Variants in PKD2 observed in about 807,000 individuals in gnomAD.
PKD2 encodes polycystin-2.
Under a neutral mutation model 105.9 loss-of-function variants are expected in PKD2, and 48 were observed. The observed-to-expected ratio is 0.45, with a 90% confidence interval of 0.36 to 0.58. The LOEUF (loss-of-function observed/expected upper bound fraction) is 0.58. Among genes scored for constraint, PKD2 ranks in the 20% least tolerant of loss-of-function variants. The pLI, the probability that PKD2 is intolerant of heterozygous loss-of-function variation, is 0.00. For missense variants in PKD2, 1,078 were observed against 1,255.3 expected, an observed-to-expected ratio of 0.86 and a Z score of 2.13; for synonymous variants, 464 against 481.1, an observed-to-expected ratio of 0.96 and a Z score of 0.46.
chr4:88,071,078 T>C (rs1011363808), intron 13 of PKD2, among the ~76,000 whole-genome samples: 1 of 151,448 alleles, frequency 6.6e-6, no homozygotes, highest in South Asian at 2.1e-4. Context: ...TTTTAAGAGA[T>C]AGGGTCTCTC....
At chr4:88,033,372 A>C (rs1727227758) in intron 2 of PKD2, among the ~76,000 whole-genome samples, 1 of 151,572 alleles carries the variant, frequency 6.6e-6, no homozygotes, top group Non-Finnish European at 1.5e-5. Context: ...AGCTGCAGTG[A>C]GCTGAGATGG....
At chr4:88,030,825 G>A (rs1727120641) in intron 2 of PKD2, among the ~76,000 whole-genome samples, 1 of 152,204 alleles carries the variant, frequency 6.6e-6, no homozygotes, top group South Asian at 2.1e-4. Flanking sequence ...CTCACGAAAT[G>A]TTGACAACAT....
intron 6 of PKD2, among the ~76,000 whole-genome samples, chr4:88,047,298 T>C (rs1449935287): frequency 6.6e-6 from 1 of 152,152 alleles, no homozygotes; most frequent in Non-Finnish European, 1.5e-5. Flanking sequence ...AGCTCATGCC[T>C]GTAATCCCAG....
Position 88,074,911 on chromosome 4 carries a change from A to G in PKD2, c.2622A>G (p.Lys874=). ...IVKLEIMERA[K]LKRREVLGRL... is the part of the protein sequence containing the mutation. ...AGCTAGAGATTATGGAGCGAGCCAA[A>G]CTGAAGAGGAGGGAGGTGCTGGGAA... The change falls in exon 14 of 15, where the codon AAA becomes AAG. Residue 874 remains lysine, a synonymous_variant. Transcript: ENST00000237596. The G allele has an allele frequency of 6.2e-7, 1 of 1,614,186 alleles. No homozygotes were observed. Among genetic ancestry groups the G allele is most frequent in the Non-Finnish European group, 8.5e-7 (1 of 1,180,024 alleles).
intron 2 of PKD2, among the ~76,000 whole-genome samples, chr4:88,019,900 A>ACTGTGGACTT (rs763259073): frequency 6.6e-6 from 1 of 152,236 alleles, no homozygotes; most frequent in Non-Finnish European, 1.5e-5. Context: ...ATGCTAAGTG[A>ACTGTGGACTT]CTGTGGACTT....
At chr4:88,034,794 G>T (rs539698306) in intron 2 of PKD2, among the ~76,000 whole-genome samples, 27 of 152,050 alleles carry the variant, frequency 1.8e-4, no homozygotes, top group Non-Finnish European at 1.8e-4. Context: ...TTTATTATAG[G>T]TTCAGGTAAG....
intron 11 of PKD2, 123 bp from the exon 12 acceptor site, chr4:88,065,639 A>G: frequency 4.3e-6 from 5 of 1,175,010 alleles, no homozygotes; most frequent in Non-Finnish European, 6.4e-6. Flanking sequence ...GGAACATGTT[A>G]TAAGAGGAAA....
intron 3 of PKD2, among the ~76,000 whole-genome samples, chr4:88,036,760 A>C (rs75871052): frequency 6.6e-6 from 1 of 152,198 alleles, no homozygotes; most frequent in Non-Finnish European, 1.5e-5. Context: ...AATTCATTCC[A>C]TGAGTCAAGA....
chr4:88,061,975 G>T lies in PKD2; in HGVS notation c.2089G>T (p.Glu697Ter). Residue 697 changes from glutamate (E) to a stop codon, truncating the protein, a stop_gained, in exon 10 of 15, where the codon GAA becomes TAA. Coordinates refer to ENST00000237596, the MANE Select transcript of PKD2 (RefSeq NM_000297.4). LOFTEE classifies it high-confidence loss of function. ...ATCTGACTTGGCACAGCAGAAAGCTGAAATGGAACTCTCAGATCTTATCAG... is the reference window on the plus strand; with the variant it reads ...ATCTGACTTGGCACAGCAGAAAGCTTAAATGGAACTCTCAGATCTTATCAG... Reference protein sequence around the residue: ...VKSDLAQQKAEMELSDLIRKG... With the variant: ...VKSDLAQQKA 6.4e-7 allele frequency: 1 copy of T among 1,560,480 alleles called. No homozygotes were observed. The highest frequency in any genetic ancestry group is 8.8e-7 in the Non-Finnish European group (1 of 1,131,658).
Position 88,067,894 on chromosome 4 carries a change from T to G in PKD2, c.2359-4T>G. On this transcript the variant is annotated splice_region_variant and splice_polypyrimidine_tract_variant and intron_variant, in intron 12 of 14. Coordinates refer to ENST00000237596, the MANE Select transcript of PKD2 (RefSeq NM_000297.4). ...TCCTCACTCAGTGACCCCTTGTTCT[T>G]CAGGAGGACCTGGATTTGGATCACA... The G allele has an allele frequency of 1.2e-6, 2 of 1,613,510 alleles. No individual in the cohort carries two copies. Among genetic ancestry groups the G allele is most frequent in the Non-Finnish European group, 1.7e-6 (2 of 1,179,860 alleles).
At chr4:88,034,940 T>C (rs1727281794) in intron 2 of PKD2, among the ~76,000 whole-genome samples, 1 of 152,194 alleles carries the variant, frequency 6.6e-6, no homozygotes, top group African/African-American at 2.4e-5. Flanking sequence ...GAGACAGTAC[T>C]TGGTAAAGTG....
intron 10 of PKD2, among the ~76,000 whole-genome samples, 154 bp downstream of exon 10, chr4:88,062,158 T>C (rs1432858076): frequency 6.6e-6 from 1 of 152,252 alleles, no homozygotes; most frequent in African/African-American, 2.4e-5. Flanking sequence ...GTTCCCTATC[T>C]TGGAGTCTTG....
At chr4:88,040,606 A>G (rs1174480723) in intron 4 of PKD2, among the ~76,000 whole-genome samples, 1 of 152,194 alleles carries the variant, frequency 6.6e-6, no homozygotes, top group East Asian at 1.9e-4. Context: ...CTTAAAGCTT[A>G]GGTTCTTGCT....
chr4:88,012,695 C>T lies in PKD2; in HGVS notation c.595+4367C>T, dbSNP rs184664109. ...ACTTTTTTATCATCCCAAACAGAAA[C>T]TCTGTACTCATTAAACAGTAACTCC... On this transcript the variant is annotated intron_variant, in intron 1 of 14. Coordinates refer to ENST00000237596, the MANE Select transcript of PKD2 (RefSeq NM_000297.4). Among the ~76,000 whole-genome samples, 677 of 152,180 alleles carry T rather than the reference C, an allele frequency of 4.4e-3. 7 individuals are homozygous for T. Among genetic ancestry groups the T allele is most frequent in the African/African-American group, 0.016 (646 of 41,518 alleles).
chr4:88,009,152 A>C (rs545871529), intron 1 of PKD2, among the ~76,000 whole-genome samples: 7 of 152,336 alleles, frequency 4.6e-5, no homozygotes, highest in African/African-American at 1.4e-4. Flanking sequence ...GGAATTTTCA[A>C]ATTTGCCAGT....
intron 9 of PKD2, 56 bp downstream of exon 9, chr4:88,058,159 T>G: frequency 9.4e-7 from 1 of 1,060,176 alleles, no homozygotes; most frequent in Non-Finnish European, 1.5e-6. Flanking sequence ...AATCCTTGTC[T>G]TCTCTTTTCT....
intron 9 of PKD2, among the ~76,000 whole-genome samples, chr4:88,060,900 C>T (rs1236191056): frequency 6.6e-6 from 1 of 152,130 alleles, no homozygotes; most frequent in African/African-American, 2.4e-5. Context: ...AAGGGAGATA[C>T]TATTATTTTT....
chr4:88,010,058 G>A (rs927540517), intron 1 of PKD2, among the ~76,000 whole-genome samples: 1 of 151,932 alleles, frequency 6.6e-6, no homozygotes, highest in Admixed American at 6.5e-5. Flanking sequence ...TGTGTCAATG[G>A]TCTGATTTGT....
intron 2 of PKD2, among the ~76,000 whole-genome samples, chr4:88,025,613 CAA>C (rs35551347): frequency 3.0e-4 from 30 of 98,644 alleles, no homozygotes; most frequent in Non-Finnish European, 3.0e-4. Flanking sequence ...GACCCTGTCT[CAA>C]AAAAAAAAAA....
Sources: allele counts gnomAD v4.1 joint callset (sites outside exome capture counted in the v4.1 genomes callset), GRCh38; gene constraint gnomAD v4.1.1; transcripts MANE v1.5; gene names NCBI Gene and HGNC (gene_info 2026-07-23, HGNC 2026-07-21).